Variants in FSTL5 observed in about 807,000 individuals in gnomAD.
The protein encoded by FSTL5 is follistatin like 5, also known as follistatin-related protein 5.
A neutral mutation model predicts 89.1 loss-of-function variants in FSTL5; 62 were observed. The ratio of observed to expected loss-of-function variants is 0.70; its 90% CI spans 0.57 to 0.86. The LOEUF (loss-of-function observed/expected upper bound fraction) is 0.86, where lower values mean the gene tolerates loss of function less well. Ranked by LOEUF, FSTL5 falls within the 40% of genes least tolerant of loss-of-function variation. FSTL5 has a pLI of 0.00. For missense variants in FSTL5, 1,057 were observed against 1,001.6 expected, an observed-to-expected ratio of 1.06 and a Z score of -0.75; for synonymous variants, 383 against 346.2, an observed-to-expected ratio of 1.11 and a Z score of -1.18.
chr4:162,010,854 T>A (rs1736746479), intron 3 of FSTL5, among the ~76,000 whole-genome samples: 3 of 152,234 alleles, frequency 2.0e-5, no homozygotes. Context: ...GACAAACATT[T>A]TCATTGTTTT....
At chr4:161,881,830 T>C (rs1732644972) in intron 4 of FSTL5, among the ~76,000 whole-genome samples, 1 of 152,152 alleles carries the variant, frequency 6.6e-6, no homozygotes, top group Non-Finnish European at 1.5e-5. Flanking sequence ...TCATTTACAA[T>C]TTGGGCCTTA....
At chr4:161,541,269 C>G (rs754441271) in intron 9 of FSTL5, among the ~76,000 whole-genome samples, 1 of 152,020 alleles carries the variant, frequency 6.6e-6, no homozygotes, top group South Asian at 2.1e-4. Flanking sequence ...AATTTCTTTG[C>G]AAGCACCTTC....
chr4:161,722,657 A>G (rs1418578583), intron 6 of FSTL5, among the ~76,000 whole-genome samples: 1 of 152,150 alleles, frequency 6.6e-6, no homozygotes, highest in East Asian at 1.9e-4. Flanking sequence ...TTAACTAGCT[A>G]TTTCCTTAAT....
At chr4:161,895,495 G>A (rs545403058) in intron 4 of FSTL5, among the ~76,000 whole-genome samples, 1 of 152,230 alleles carries the variant, frequency 6.6e-6, no homozygotes, top group South Asian at 2.1e-4. Flanking sequence ...ATTTCAATAG[G>A]AGGAAAATGA....
rs1263317313 is a variant in FSTL5 at position 161,469,639 on chromosome 4, TA to T, written c.1609-10321del. Among the ~76,000 whole-genome samples the T allele has an allele frequency of 2.1e-3, 210 of 99,928 alleles. 2 individuals are homozygous for T. The highest frequency in any genetic ancestry group is 0.01 in the African/African-American group (198 of 19,070). 65.6% of individuals were successfully genotyped at this position (99,928 alleles called of 152,430 possible). A position where few individuals can be genotyped will look rare whatever the true frequency, so the allele number is the denominator to read the frequency against. On this transcript the variant is annotated intron_variant, in intron 13 of 15. Transcript: ENST00000306100. ...AAGTTCTTTGCCCACTTTATTTATC[TA>T]TTTTTTTTTTTTTTTGAAGCGGAGT...
At chr4:161,589,629 T>A (rs575128654) in intron 7 of FSTL5, among the ~76,000 whole-genome samples, 1 of 152,062 alleles carries the variant, frequency 6.6e-6, no homozygotes, top group Non-Finnish European at 1.5e-5. Flanking sequence ...CTAGAGTCTT[T>A]ATTGAAATCA....
chr4:161,468,239 C>T (rs113918361), intron 13 of FSTL5, among the ~76,000 whole-genome samples: 1 of 129,520 alleles, frequency 7.7e-6, no homozygotes, highest in Non-Finnish European at 1.7e-5. Context: ...GGATTAAGTG[C>T]CTACATTTTT....
At chr4:161,786,510 GTTC>G (rs1368624826) in intron 4 of FSTL5, among the ~76,000 whole-genome samples, 1 of 152,060 alleles carries the variant, frequency 6.6e-6, no homozygotes, top group Non-Finnish European at 1.5e-5. Flanking sequence ...TCCTATGAGA[GTTC>G]TTATTTCAAT....
At chr4:161,934,677 G>T (rs566979838) in intron 3 of FSTL5, among the ~76,000 whole-genome samples, 8 of 151,584 alleles carry the variant, frequency 5.3e-5, no homozygotes, top group Non-Finnish European at 1.0e-4. Flanking sequence ...GATATTAATA[G>T]AACTGATTTC....
intron 3 of FSTL5, among the ~76,000 whole-genome samples, chr4:161,973,279 T>C (rs1735537356): frequency 6.6e-6 from 1 of 152,188 alleles, no homozygotes; most frequent in Non-Finnish European, 1.5e-5. Flanking sequence ...TAGCATCAAA[T>C]GAAGCTGTGA....
intron 7 of FSTL5, among the ~76,000 whole-genome samples, chr4:161,619,889 C>CA (rs1735052315): frequency 1.3e-5 from 2 of 151,950 alleles, no homozygotes; most frequent in African/African-American, 4.8e-5. Flanking sequence ...CACATGCACA[C>CA]GTATGTTTAT....
At chr4:161,926,995 G>T (rs1178572185) in intron 3 of FSTL5, among the ~76,000 whole-genome samples, 1 of 151,672 alleles carries the variant, frequency 6.6e-6, no homozygotes, top group East Asian at 1.9e-4. Flanking sequence ...GATATTTAAG[G>T]TCTTCTTTTA....
At chr4:162,044,603 T>C (rs1738101712) in intron 2 of FSTL5, among the ~76,000 whole-genome samples, 2 of 152,184 alleles carry the variant, frequency 1.3e-5, no homozygotes, top group Admixed American at 1.3e-4. Context: ...AAGTCAGACA[T>C]TGACTTCTTT....
At chr4:161,400,952 T>A (rs1333081585) in intron 15 of FSTL5, among the ~76,000 whole-genome samples, 1 of 152,146 alleles carries the variant, frequency 6.6e-6, no homozygotes, top group Admixed American at 6.5e-5. Context: ...TAACTAATTA[T>A]TTTTCACAAC....
At chr4:161,506,558 T>C (rs917389445) in intron 11 of FSTL5, among the ~76,000 whole-genome samples, 1 of 152,186 alleles carries the variant, frequency 6.6e-6, no homozygotes, top group Non-Finnish European at 1.5e-5. Context: ...CAGTTTGTAG[T>C]CTTTTATTCT....
rs74750391 is a variant in FSTL5, at chr4:161,984,473, C to T, written c.160+49152G>A. Among the ~76,000 whole-genome samples the T allele has an allele frequency of 2.6e-5, 4 of 152,056 alleles. No individual in the cohort carries two copies. In the East Asian group the frequency reaches 5.8e-4, roughly 22 times the overall value. ...TCTCCCAATTGGTGCAAGTAAATCTCGACGAGAAGGTATAAAAAATGTATT... is the reference window on the plus strand; with the variant it reads ...TCTCCCAATTGGTGCAAGTAAATCTTGACGAGAAGGTATAAAAAATGTATT... On this transcript the variant is annotated intron_variant, in intron 3 of 15. Coordinates refer to ENST00000306100, the MANE Select transcript of FSTL5 (RefSeq NM_020116.5).
rs564839603 is a variant in FSTL5 at position 161,540,537 on chromosome 4, T to C, written c.1177+1995A>G. On this transcript the variant is annotated intron_variant, in intron 9 of 15. Transcript: ENST00000306100. ...TCTCACAGGAAATTTTCTGTTTCTT[T>C]CCAAGGCAAATCTCCCCTTATTTCT... Among the ~76,000 whole-genome samples, 4 of 152,222 alleles carry C rather than the reference T, an allele frequency of 2.6e-5. No individual in the cohort carries two copies. The East Asian group carries it at 5.8e-4, about 22-fold the overall frequency.
chr4:161,931,417 G>A (rs1003854405), intron 3 of FSTL5, among the ~76,000 whole-genome samples: 9 of 151,762 alleles, frequency 5.9e-5, no homozygotes, highest in Non-Finnish European at 1.3e-4. Flanking sequence ...GAGACAAAGA[G>A]GGTAGTTTTG....
At chr4:161,789,773 G>C (rs1284160215) in intron 4 of FSTL5, among the ~76,000 whole-genome samples, 1 of 152,114 alleles carries the variant, frequency 6.6e-6, no homozygotes, top group Non-Finnish European at 1.5e-5. Flanking sequence ...CTAATAGAGA[G>C]TCAAACTGCT....
Sources: allele counts gnomAD v4.1 joint callset (sites outside exome capture counted in the v4.1 genomes callset), GRCh38; gene constraint gnomAD v4.1.1; transcripts MANE v1.5; gene names NCBI Gene and HGNC (gene_info 2026-07-23, HGNC 2026-07-21).